The following FAM124A variants were observed in gnomAD, a reference collection of about 807,000 sequenced individuals.
The protein encoded by FAM124A is protein FAM124A.
A neutral mutation model predicts 24.5 loss-of-function variants in FAM124A; 23 were observed. The ratio of observed to expected loss-of-function variants is 0.94; its 90% CI spans 0.68 to 1.33. FAM124A has a LOEUF of 1.33. Ranked by LOEUF, FAM124A falls within the 40% of genes most tolerant of loss-of-function variation. The pLI is 0.00. For missense variants in FAM124A, 623 were observed against 722.8 expected, an observed-to-expected ratio of 0.86 and a Z score of 1.58; for synonymous variants, 287 against 314.7, an observed-to-expected ratio of 0.91 and a Z score of 0.93.
At chr13:51,266,004 C>A (rs780945198) in intron 3 of FAM124A, among the ~76,000 whole-genome samples, 1 of 152,072 alleles carries the variant, frequency 6.6e-6, no homozygotes, top group Non-Finnish European at 1.5e-5. Flanking sequence ...TATATGTATA[C>A]GTATATAGAT....
At chr13:51,261,155 A>T (rs1329648215) in intron 3 of FAM124A, among the ~76,000 whole-genome samples, 1 of 152,078 alleles carries the variant, frequency 6.6e-6, no homozygotes, top group Non-Finnish European at 1.5e-5. Context: ...AGCTTGCCTT[A>T]TTACTCCCGC....
chr13:51,225,992 T>C (rs1207046999), intron 1 of FAM124A, among the ~76,000 whole-genome samples: 2 of 128,232 alleles, frequency 1.6e-5, no homozygotes, highest in African/African-American at 6.1e-5. Context: ...TTTTTTTTTT[T>C]TTTTTTTTTT....
chr13:51,253,631 G>A (rs983300370), intron 3 of FAM124A: 1 of 152,178 alleles, frequency 6.6e-6, no homozygotes, highest in African/African-American at 2.4e-5. Flanking sequence ...TGTTTCTGAG[G>A]TGACTTCTTC....
intron 2 of FAM124A, among the ~76,000 whole-genome samples, chr13:51,235,389 G>GA (rs151126828): frequency 0.016 from 2,365 of 151,136 alleles, 63 homozygotes; most frequent in African/African-American, 0.055. Context: ...ATTATGCCAG[G>GA]AAAAAAAGCA....
intron 2 of FAM124A, among the ~76,000 whole-genome samples, chr13:51,246,887 G>A (rs956468691): frequency 6.6e-6 from 1 of 152,166 alleles, no homozygotes; most frequent in Non-Finnish European, 1.5e-5. Flanking sequence ...CCTTCTCCCG[G>A]GCCTCTTCAC....
chr13:51,267,885 G>A (rs1369419445), intron 3 of FAM124A, among the ~76,000 whole-genome samples: 1 of 152,222 alleles, frequency 6.6e-6, no homozygotes. Flanking sequence ...CTCCCTAGCT[G>A]TAGTCGGTGT....
rs1954950005 is a variant in FAM124A, at chr13:51,282,575, G to A, written c.*1319G>A. On this transcript the variant is annotated 3_prime_UTR_variant, in exon 4 of 4. Coordinates refer to ENST00000322475, the MANE Select transcript of FAM124A (RefSeq NM_001242312.2). ...TCCCTGGATACTATTTACCTTTGAG[G>A]AAGAACAGCATGGGTTTGCCAAGCT... The A allele has an allele frequency of 6.6e-6, 1 of 152,214 alleles. No individual in the cohort carries two copies. The highest frequency in any genetic ancestry group is 1.5e-5 in the Non-Finnish European group (1 of 68,044). 9.4% of individuals were successfully genotyped at this position (152,214 alleles called of 1,614,324 possible).
intron 3 of FAM124A, among the ~76,000 whole-genome samples, chr13:51,271,560 C>G (rs1954840441): frequency 6.6e-6 from 1 of 152,038 alleles, no homozygotes. Context: ...TCAACTGATG[C>G]CTGGGACCCA....
chr13:51,275,163 A>G (rs1272764306), intron 3 of FAM124A, among the ~76,000 whole-genome samples: 2 of 151,726 alleles, frequency 1.3e-5, no homozygotes, highest in East Asian at 3.9e-4. Flanking sequence ...ACCTGAGGCC[A>G]GGAATTCAAG....
Position 51,251,903 on chromosome 13 carries a change from G to A in FAM124A, c.536G>A (p.Arg179His). Reference sequence around the variant, plus strand: ...ATCGTGCGCTTCACCGTCTACTGTCGCTACGACAACTATGCTGACAGCCTC... The same window carrying A: ...ATCGTGCGCTTCACCGTCTACTGTCACTACGACAACTATGCTGACAGCCTC... ...KEIVRFTVYC[R>H]YDNYADSLRF... Residue 179 changes from arginine (R) to histidine (H), a missense_variant, in exon 3 of 4, where the codon CGC becomes CAC. Coordinates refer to ENST00000322475, the MANE Select transcript of FAM124A (RefSeq NM_001242312.2). The surrounding 1 kb of genome is among the most constrained non-coding windows in gnomAD (Gnocchi z 5.3). 1.2e-6 allele frequency: 2 copies of A among 1,614,124 alleles called. No homozygotes were observed. The highest frequency in any genetic ancestry group is 1.7e-6 in the Non-Finnish European group (2 of 1,180,032).
chr13:51,270,353 T>C (rs939026025), intron 3 of FAM124A, among the ~76,000 whole-genome samples: 7 of 152,242 alleles, frequency 4.6e-5, no homozygotes, highest in Non-Finnish European at 8.8e-5. Context: ...ATCTATAAAG[T>C]TGTCCTGTCT....
At chr13:51,246,503 G>T (rs993749718) in intron 2 of FAM124A, among the ~76,000 whole-genome samples, 6 of 151,828 alleles carry the variant, frequency 4.0e-5, no homozygotes, top group African/African-American at 1.4e-4. Flanking sequence ...ACGTGCTAGT[G>T]ATGGCCAGAG....
intron 2 of FAM124A, among the ~76,000 whole-genome samples, chr13:51,232,245 A>G (rs1954385365): frequency 1.3e-5 from 2 of 152,200 alleles, no homozygotes; most frequent in Admixed American, 1.3e-4. Context: ...AACTAGAAAG[A>G]ATTGAGAGTG....
At chr13:51,262,850 TTA>T (rs1182234510) in intron 3 of FAM124A, among the ~76,000 whole-genome samples, 1 of 152,204 alleles carries the variant, frequency 6.6e-6, no homozygotes, top group East Asian at 1.9e-4. Flanking sequence ...CAGTTACTAT[TTA>T]CCCAGGCAAC....
chr13:51,249,646 A>C (rs1008232708), intron 2 of FAM124A, among the ~76,000 whole-genome samples: 5 of 152,236 alleles, frequency 3.3e-5, no homozygotes, highest in African/African-American at 1.2e-4. Flanking sequence ...TTTATTGGAA[A>C]TTTAGGAGAC....
rs1954373994 is a variant in FAM124A at position 51,231,295 on chromosome 13, G to C, written c.69-53G>C. The C allele has an allele frequency of 2.5e-6, 4 of 1,609,160 alleles. No individual in the cohort carries two copies. The South Asian group carries it at 4.4e-5, about 18-fold the overall frequency. On this transcript the variant is annotated intron_variant, in intron 1 of 3. Coordinates refer to ENST00000322475, the MANE Select transcript of FAM124A (RefSeq NM_001242312.2). ...CACTGACTGTTTAAAATTCTGGCTTGAATAAATCATTTGGATAAAGAATTC... is the reference window on the plus strand; with the variant it reads ...CACTGACTGTTTAAAATTCTGGCTTCAATAAATCATTTGGATAAAGAATTC...
At chr13:51,260,489 G>T (rs1309416030) in intron 3 of FAM124A, among the ~76,000 whole-genome samples, 1 of 152,226 alleles carries the variant, frequency 6.6e-6, no homozygotes, top group Admixed American at 6.5e-5. Flanking sequence ...AAATAATAAT[G>T]TGATAACTAA....
intron 3 of FAM124A, among the ~76,000 whole-genome samples, chr13:51,269,037 A>T (rs1954815552): frequency 6.6e-6 from 1 of 152,222 alleles, no homozygotes; most frequent in Non-Finnish European, 1.5e-5. Flanking sequence ...TAAAGTGCAG[A>T]GAGGATGGGC....
chr13:51,228,794 G>C (rs1306540494), intron 1 of FAM124A, among the ~76,000 whole-genome samples: 1 of 152,064 alleles, frequency 6.6e-6, no homozygotes, highest in Non-Finnish European at 1.5e-5. Flanking sequence ...TATTTTAAGA[G>C]CTATAAAAGT....
Sources: allele counts gnomAD v4.1 joint callset (sites outside exome capture counted in the v4.1 genomes callset), GRCh38; gene constraint gnomAD v4.1.1; non-coding constraint Gnocchi (gnomAD v3.1); transcripts MANE v1.5; gene names NCBI Gene and HGNC (gene_info 2026-07-23, HGNC 2026-07-21).